SND1: variants seen among roughly 807,000 people sequenced by gnomAD.
SND1 encodes staphylococcal nuclease domain-containing protein 1.
In SND1, 38 loss-of-function variants were observed where a neutral mutation model predicts 121.7. That is an observed-to-expected ratio of 0.31 (90% CI 0.24 to 0.41). SND1 has a LOEUF of 0.41. Ranked by LOEUF, SND1 falls within the 10% of genes least tolerant of loss-of-function variation. The pLI is 1.00. For missense variants in SND1, 868 were observed against 1,184.6 expected (o/e 0.73, Z 3.92); for synonymous variants, 401 against 447.4 (o/e 0.90, Z 1.31).
chr7:127,893,359 G>A (rs1453924585), intron 13 of SND1, among the ~76,000 whole-genome samples: 2 of 152,026 alleles, frequency 1.3e-5, no homozygotes, highest in East Asian at 1.9e-4. Context: ...TATACATGGG[G>A]GATATCATCT....
At chr7:127,998,956 TC>T (rs1379732040) in intron 16 of SND1, 1 of 152,284 alleles carries the variant, frequency 6.6e-6, no homozygotes, top group Non-Finnish European at 1.5e-5. Context: ...CTTGACTGTT[TC>T]CCTATTCCTC....
intron 12 of SND1, among the ~76,000 whole-genome samples, chr7:127,872,750 G>A (rs936242311): frequency 1.3e-5 from 2 of 151,620 alleles, no homozygotes; most frequent in Non-Finnish European, 2.9e-5. Context: ...AATAAGCTAA[G>A]CTAAAAGCTG....
chr7:127,713,590 G>C (rs1319758009), intron 9 of SND1, among the ~76,000 whole-genome samples: 1 of 152,168 alleles, frequency 6.6e-6, no homozygotes, highest in East Asian at 1.9e-4. Flanking sequence ...TAATTGTACA[G>C]GGCCCCGCTA....
At chr7:127,778,198 T>TTTATTTATTTATTTA (rs1406486399) in intron 10 of SND1, among the ~76,000 whole-genome samples, 2 of 151,626 alleles carry the variant, frequency 1.3e-5, no homozygotes, top group African/African-American at 4.8e-5. Context: ...TATTTATTTA[T>TTTATTTATTTATTTA]TTATTTATTT....
intron 12 of SND1, among the ~76,000 whole-genome samples, chr7:127,868,457 C>A (rs1458430413): frequency 1.3e-5 from 2 of 152,168 alleles, no homozygotes; most frequent in Non-Finnish European, 2.9e-5. Context: ...TATGTAATAT[C>A]TTTTCTGCCT....
chr7:127,787,949 T>C (rs1380619986), intron 10 of SND1, among the ~76,000 whole-genome samples: 1 of 152,220 alleles, frequency 6.6e-6, no homozygotes, highest in African/African-American at 2.4e-5. Flanking sequence ...CCTGATTTAA[T>C]GGAGACATTT....
intron 16 of SND1, among the ~76,000 whole-genome samples, chr7:128,044,275 C>G (rs954074432): frequency 6.6e-6 from 1 of 152,232 alleles, no homozygotes; most frequent in African/African-American, 2.4e-5. Context: ...GGTCAAGGAG[C>G]TTTGCAGCCC....
intron 14 of SND1, among the ~76,000 whole-genome samples, chr7:127,923,905 C>CTT (rs1800776299): frequency 6.6e-6 from 1 of 151,842 alleles, no homozygotes; most frequent in African/African-American, 2.4e-5. Flanking sequence ...TTTCCTGTGT[C>CTT]TGTCCTCTTG....
At chr7:128,079,650 A>G (rs567606775) in intron 17 of SND1, among the ~76,000 whole-genome samples, 1 of 152,388 alleles carries the variant, frequency 6.6e-6, no homozygotes, top group African/African-American at 2.4e-5. Flanking sequence ...ACACACGCTC[A>G]GGCCGCGTTA....
intron 10 of SND1, among the ~76,000 whole-genome samples, chr7:127,725,726 G>A (rs1009324121): frequency 5.3e-5 from 8 of 152,212 alleles, no homozygotes; most frequent in South Asian, 2.1e-4. Flanking sequence ...GAAAACTTAC[G>A]GTACCAGAGC....
intron 16 of SND1, among the ~76,000 whole-genome samples, chr7:128,004,693 A>T (rs1802917839): frequency 6.6e-6 from 1 of 152,236 alleles, no homozygotes; most frequent in Non-Finnish European, 1.5e-5. Flanking sequence ...TAAAGATGAA[A>T]ACAGACATCA....
chr7:128,066,200 A>G (rs1562887772), intron 16 of SND1, among the ~76,000 whole-genome samples: 1 of 151,898 alleles, frequency 6.6e-6, no homozygotes, highest in Non-Finnish European at 1.5e-5. Context: ...CCCACCCCTC[A>G]TCCCTGAGGT....
chr7:128,056,814 A>G (rs1793150816), intron 16 of SND1, among the ~76,000 whole-genome samples: 1 of 152,222 alleles, frequency 6.6e-6, no homozygotes, highest in South Asian at 2.1e-4. Context: ...TAATTTATAC[A>G]TAAGGTATAA....
At chr7:127,900,452 A>G (rs1050987293) in intron 13 of SND1, among the ~76,000 whole-genome samples, 1 of 152,214 alleles carries the variant, frequency 6.6e-6, no homozygotes, top group Non-Finnish European at 1.5e-5. Flanking sequence ...TGCAAACCTA[A>G]GAGCAGACTC....
At chr7:128,086,680 GT>G (rs1218874567) in intron 20 of SND1, 3 of 564,122 alleles carry the variant, frequency 5.3e-6, no homozygotes, top group Non-Finnish European at 9.6e-6. Context: ...TACTGCGATT[GT>G]TTTCATGGGA....
At chr7:127,911,796 G>A (rs531141264) in intron 14 of SND1, among the ~76,000 whole-genome samples, 2 of 152,172 alleles carry the variant, frequency 1.3e-5, no homozygotes, top group African/African-American at 2.4e-5. Context: ...CACTGCATCC[G>A]GCCCTCTTTT....
intron 10 of SND1, among the ~76,000 whole-genome samples, chr7:127,724,386 G>A (rs1796548783): frequency 6.6e-6 from 1 of 152,192 alleles, no homozygotes; most frequent in South Asian, 2.1e-4. Flanking sequence ...GAGTTTTGGG[G>A]ACTAGAGAAT....
intron 16 of SND1, among the ~76,000 whole-genome samples, chr7:128,061,402 C>A (rs1298913477): frequency 6.6e-6 from 1 of 152,186 alleles, no homozygotes; most frequent in African/African-American, 2.4e-5. Flanking sequence ...CTGTCCTGGG[C>A]AGTGGGTAAA....
At chr7:127,722,824 A>G (rs1796519639) in intron 10 of SND1, among the ~76,000 whole-genome samples, 1 of 152,090 alleles carries the variant, frequency 6.6e-6, no homozygotes, top group African/African-American at 2.4e-5. Context: ...TTTTTCCCTT[A>G]GAGGAGGCAG....
Sources: gnomAD v4.1 joint callset for allele counts (sites outside exome capture counted in the v4.1 genomes callset) on GRCh38, gnomAD v4.1.1 for gene constraint, MANE v1.5 for transcripts, NCBI Gene and HGNC (gene_info 2026-07-23, HGNC 2026-07-21) for gene names.